The following SH3PXD2B variants were observed in gnomAD, a reference collection of about 807,000 sequenced individuals.
SH3PXD2B encodes SH3 and PX domain-containing protein 2B.
SH3PXD2B carries 37 observed loss-of-function variants against 73.1 expected under a neutral mutation model. The ratio of observed to expected loss-of-function variants is 0.51; its 90% CI spans 0.39 to 0.67. The LOEUF (loss-of-function observed/expected upper bound fraction) is 0.67, where lower values mean the gene tolerates loss of function less well. Among genes scored for constraint, SH3PXD2B ranks in the 30% least tolerant of loss-of-function variants. The pLI, the probability that SH3PXD2B is intolerant of heterozygous loss-of-function variation, is 0.00. For synonymous variants in SH3PXD2B, 457 were observed against 480.5 expected, an observed-to-expected ratio of 0.95 and a Z score of 0.64; for missense variants, 1,053 against 1,197.8, an observed-to-expected ratio of 0.88 and a Z score of 1.78.
At chr5:172,419,612 C>A (rs114308272) in intron 2 of SH3PXD2B, among the ~76,000 whole-genome samples, 1,953 of 152,296 alleles carry the variant, frequency 0.013, 15 homozygotes, top group South Asian at 0.032. Flanking sequence ...CCTGAGGCTA[C>A]AAGGACAGAT....
At chr5:172,442,433 T>G (rs1490399669) in intron 1 of SH3PXD2B, among the ~76,000 whole-genome samples, 1 of 152,230 alleles carries the variant, frequency 6.6e-6, no homozygotes, top group African/African-American at 2.4e-5. Context: ...CAAACCACTT[T>G]TAAAGATGCC....
intron 4 of SH3PXD2B, among the ~76,000 whole-genome samples, chr5:172,388,268 G>T (rs754209944): frequency 6.6e-6 from 1 of 152,160 alleles, no homozygotes; most frequent in Non-Finnish European, 1.5e-5. Context: ...CTCTATTAGA[G>T]ACCTTCATTT....
In SH3PXD2B at chr5:172,334,041, G is replaced by A. The variant is rs572423054; in HGVS notation, c.*4328C>T. 786 of 1,170,420 alleles carry A rather than the reference G, an allele frequency of 6.7e-4. 16 individuals are homozygous for A. The South Asian group carries it at 0.013, about 19-fold the overall frequency. The allele number at this position is 1,170,420 out of a possible 1,614,324, so 72.5% of individuals were successfully genotyped here. ...CATCTAAAAGTGAAGGCTACCGACT[G>A]TGGCACTGCGTTTGGCCTCTTTGAG... On this transcript the variant is annotated 3_prime_UTR_variant, in exon 13 of 13. Transcript: ENST00000311601.
chr5:172,439,257 A>C (rs1318374026), intron 1 of SH3PXD2B, among the ~76,000 whole-genome samples: 10,050 of 72,716 alleles, frequency 0.14, 524 homozygotes, highest in Non-Finnish European at 0.18. Flanking sequence ...AAAAGAAAAA[A>C]AAAAAACAAA....
chr5:172,404,426 G>A (rs1176372762), intron 3 of SH3PXD2B, among the ~76,000 whole-genome samples: 1 of 152,044 alleles, frequency 6.6e-6, no homozygotes, highest in African/African-American at 2.4e-5. Flanking sequence ...CAAGTAGCTG[G>A]GATTATAGGT....
At chr5:172,358,746 T>G in intron 8 of SH3PXD2B, 27 bp downstream of exon 8, 5 of 1,593,660 alleles carry the variant, frequency 3.1e-6, no homozygotes, top group Non-Finnish European at 4.3e-6. Context: ...TCCTCCCCAG[T>G]GAGCAGAGGC....
chr5:172,357,695 CTG>C (rs1757312102), intron 8 of SH3PXD2B, among the ~76,000 whole-genome samples: 1 of 152,166 alleles, frequency 6.6e-6, no homozygotes, highest in Admixed American at 6.6e-5. Flanking sequence ...GATGGTAACC[CTG>C]TGTTACCCCC....
In SH3PXD2B at chr5:172,338,508, T is replaced by C; in HGVS notation, c.2597A>G (p.Asp866Gly). ...TGTCCCTTCCTGGAAGCTGCTGGTGTCTTTGTCTCCTTCAAAGTCGGCCAC... is the reference window on the plus strand; with the variant it reads ...TGTCCCTTCCTGGAAGCTGCTGGTGCCTTTGTCTCCTTCAAAGTCGGCCAC... ...VAVADFEGDK[D>G]TSSFQEGTVF... The change falls in exon 13 of 13, where the codon GAC becomes GGC. Residue 866 changes from aspartate (D) to glycine (G), a missense_variant. Asp to Gly is a moderately conservative substitution (Grantham distance 94). Coordinates refer to ENST00000311601, the MANE Select transcript of SH3PXD2B (RefSeq NM_001017995.3). This position sits in a 1 kb window ranked among gnomAD's most constrained non-coding sequence, Gnocchi z 5.1. 6.2e-7 allele frequency: 1 copy of C among 1,614,190 alleles called. No individual in the cohort carries two copies. Among genetic ancestry groups the C allele is most frequent in the Non-Finnish European group, 8.5e-7 (1 of 1,180,028 alleles).
rs188507896 is a variant in SH3PXD2B at position 172,379,027 on chromosome 5, G to A, written c.401+3009C>T. The stretch of plus-strand genomic sequence containing the variant: ...GGAGCTTGCAGTGAGCCAAGATCGC[G>A]CCACTGCACTCCAACCTGGGTGATA... On this transcript the variant is annotated intron_variant, in intron 5 of 12. Coordinates refer to ENST00000311601, the MANE Select transcript of SH3PXD2B (RefSeq NM_001017995.3). Among the ~76,000 whole-genome samples the A allele has an allele frequency of 6.3e-3, 894 of 141,758 alleles. 10 individuals are homozygous for A. Among genetic ancestry groups the A allele is most frequent in the African/African-American group, 0.022 (837 of 37,288 alleles). The allele number at this position is 141,758 out of a possible 152,430, so 93.0% of individuals were successfully genotyped here.
At chr5:172,451,220 C>G (rs1309242311) in intron 1 of SH3PXD2B, among the ~76,000 whole-genome samples, 2 of 152,188 alleles carry the variant, frequency 1.3e-5, no homozygotes, top group Non-Finnish European at 2.9e-5. Flanking sequence ...CACCTGTGAC[C>G]CTGTCCCTCA....
In SH3PXD2B at chr5:172,335,940, A is replaced by G; in HGVS notation, c.*2429T>C. 3 of 1,143,510 alleles carry G rather than the reference A, an allele frequency of 2.6e-6. No individual in the cohort carries two copies. Among genetic ancestry groups the G allele is most frequent in the Non-Finnish European group, 3.2e-6 (3 of 932,588 alleles). 70.8% of individuals were successfully genotyped at this position (1,143,510 alleles called of 1,614,324 possible). ...ATAATCATCATCATCATAGCAAAAG[A>G]GAATGGCAGATTCTTTCATTTGCAG... On this transcript the variant is annotated 3_prime_UTR_variant, in exon 13 of 13. Transcript: ENST00000311601.
chr5:172,377,239 A>G (rs990602132), intron 5 of SH3PXD2B, among the ~76,000 whole-genome samples: 7 of 152,084 alleles, frequency 4.6e-5, no homozygotes, highest in African/African-American at 1.7e-4. Context: ...TTTCCTACTC[A>G]TGGCGGCCAA....
intron 6 of SH3PXD2B, 88 bp downstream of exon 6, chr5:172,373,702 A>C: frequency 2.8e-6 from 4 of 1,443,552 alleles, no homozygotes; most frequent in South Asian, 2.5e-5. Flanking sequence ...TATCCTCAGC[A>C]TGGAACCCAG....
chr5:172,395,675 C>T (rs964128453), intron 3 of SH3PXD2B, among the ~76,000 whole-genome samples: 2 of 152,162 alleles, frequency 1.3e-5, no homozygotes, highest in Non-Finnish European at 2.9e-5. Context: ...AGCATATGCA[C>T]TAAGGGTTAA....
Position 172,334,637 on chromosome 5 carries a change from G to A in SH3PXD2B, c.*3732C>T, listed in dbSNP as rs968759296. 7.1e-6 allele frequency: 7 copies of A among 985,398 alleles called. No homozygotes were observed. The African/African-American group carries it at 1.2e-4, about 17-fold the overall frequency. The allele number at this position is 985,398 out of a possible 1,614,324, so 61.0% of individuals were successfully genotyped here. A position where few individuals can be genotyped will look rare whatever the true frequency, so the allele number is the denominator to read the frequency against. ...CATGTAAGACTTGGGCACGATGAAA[G>A]GACGGGGGTCCAGCTACGAATGTTT... On this transcript the variant is annotated 3_prime_UTR_variant, in exon 13 of 13. Transcript: ENST00000311601.
chr5:172,343,677 C>T (rs1026441347), intron 12 of SH3PXD2B, among the ~76,000 whole-genome samples: 9 of 151,938 alleles, frequency 5.9e-5, no homozygotes, highest in Admixed American at 3.9e-4. Context: ...TGATGGCAGG[C>T]GCCTGTAATC....
chr5:172,340,096 A>T (rs1756819110), intron 12 of SH3PXD2B, among the ~76,000 whole-genome samples, 180 bp from the exon 13 acceptor site: 1 of 152,244 alleles, frequency 6.6e-6, no homozygotes, highest in Admixed American at 6.5e-5. Flanking sequence ...GGAATATCTT[A>T]CATGGGGGGA....
At chr5:172,352,246 T>C (rs914923099) in intron 9 of SH3PXD2B, among the ~76,000 whole-genome samples, 1 of 152,224 alleles carries the variant, frequency 6.6e-6, no homozygotes, top group Admixed American at 6.5e-5. Context: ...CTTTAAATTT[T>C]AGAGACAGGG....
intron 4 of SH3PXD2B, among the ~76,000 whole-genome samples, chr5:172,387,869 A>C (rs1257125809): frequency 6.6e-6 from 1 of 152,228 alleles, no homozygotes. Flanking sequence ...ATACCTAGAG[A>C]TTATAAATAT....
Sources: allele counts gnomAD v4.1 joint callset (sites outside exome capture counted in the v4.1 genomes callset), GRCh38; gene constraint gnomAD v4.1.1; non-coding constraint Gnocchi (gnomAD v3.1); transcripts MANE v1.5; gene names NCBI Gene and HGNC (gene_info 2026-07-23, HGNC 2026-07-21).